The following PPHLN1 variants were observed in gnomAD, a reference collection of about 807,000 sequenced individuals.
The protein encoded by PPHLN1 is periphilin-1.
Under a neutral mutation model 51.3 loss-of-function variants are expected in PPHLN1, and 29 were observed. The observed-to-expected ratio is 0.57, with a 90% CI of 0.42 to 0.77. PPHLN1 has a LOEUF of 0.77. Ranked by LOEUF, PPHLN1 falls within the 30% of genes least tolerant of loss-of-function variation. PPHLN1 has a pLI of 0.00. For synonymous variants in PPHLN1, 147 were observed against 147.8 expected (o/e 0.99, Z 0.04); for missense variants, 436 against 438.4 (o/e 0.99, Z 0.05).
At chr12:42,375,277 G>C in intron 5 of PPHLN1, 1 of 371,666 alleles carries the variant, frequency 2.7e-6, no homozygotes, top group Admixed American at 4.3e-5. Flanking sequence ...GTGGCATTCT[G>C]CATGACACTT....
intron 9 of PPHLN1, among the ~76,000 whole-genome samples, chr12:42,401,466 G>A (rs2078838934): frequency 6.6e-6 from 1 of 151,172 alleles, no homozygotes; most frequent in Non-Finnish European, 1.5e-5. Flanking sequence ...CTGGTCTGTG[G>A]CCTGTTAGGA....
chr12:42,435,860 C>G (rs1476996172), intron 9 of PPHLN1, among the ~76,000 whole-genome samples: 1 of 152,086 alleles, frequency 6.6e-6, no homozygotes, highest in Admixed American at 6.6e-5. Flanking sequence ...CCTCAGTCCT[C>G]CATGACAACT....
At chr12:42,402,556 A>G (rs1209344320) in intron 9 of PPHLN1, among the ~76,000 whole-genome samples, 1 of 152,158 alleles carries the variant, frequency 6.6e-6, no homozygotes, top group Non-Finnish European at 1.5e-5. Flanking sequence ...GTTGGGCTGA[A>G]TAATCTTAGG....
chr12:42,368,547 A>G (rs1365051281), intron 4 of PPHLN1, among the ~76,000 whole-genome samples: 1 of 152,222 alleles, frequency 6.6e-6, no homozygotes, highest in Admixed American at 6.5e-5. Flanking sequence ...AAGGCCATAT[A>G]TAAGTAGATG....
Position 42,393,690 on chromosome 12 carries a change from G to T in PPHLN1, c.768+1G>T. ...CTTGCCTGAAATTTCTGAGTATGAG[G>T]TAAGGCATAATGTCTCCTTTATGTT... On this transcript the variant is annotated splice_donor_variant, in intron 8 of 9. Coordinates refer to ENST00000358314, the MANE Select transcript of PPHLN1 (RefSeq NM_201439.2). LOFTEE classifies it high-confidence loss of function. 2 of 1,598,006 alleles carry T rather than the reference G, an allele frequency of 1.3e-6. No individual in the cohort carries two copies. Among genetic ancestry groups the T allele is most frequent in the Non-Finnish European group, 1.7e-6 (2 of 1,175,394 alleles).
chr12:42,345,942 A>G (rs537347445), intron 2 of PPHLN1, among the ~76,000 whole-genome samples: 1 of 150,826 alleles, frequency 6.6e-6, no homozygotes, highest in African/African-American at 2.4e-5. Flanking sequence ...ATTAAATTTT[A>G]TTGTGTATAT....
At chr12:42,400,918 A>G (rs2078786474) in intron 9 of PPHLN1, among the ~76,000 whole-genome samples, 1 of 152,026 alleles carries the variant, frequency 6.6e-6, no homozygotes, top group Non-Finnish European at 1.5e-5. Flanking sequence ...AGATATTTAC[A>G]TCTGTTGTGA....
intron 9 of PPHLN1, among the ~76,000 whole-genome samples, chr12:42,407,794 C>T (rs1233945123): frequency 6.6e-6 from 1 of 152,082 alleles, no homozygotes; most frequent in Non-Finnish European, 1.5e-5. Context: ...TAAATAATTG[C>T]TATGTAAATA....
intron 1 of PPHLN1, among the ~76,000 whole-genome samples, chr12:42,328,006 T>G (rs920381348): frequency 1.3e-5 from 2 of 152,040 alleles, no homozygotes; most frequent in Admixed American, 6.6e-5. Flanking sequence ...TTAAATGTTG[T>G]CAGTGGAATA....
chr12:42,366,569 G>T, intron 4 of PPHLN1, among the ~76,000 whole-genome samples: 1 of 150,276 alleles, frequency 6.7e-6, no homozygotes, highest in African/African-American at 2.5e-5. Context: ...GTTTTTTTGA[G>T]ACAGGGTTTC....
intron 4 of PPHLN1, among the ~76,000 whole-genome samples, chr12:42,372,943 C>G (rs1233474518): frequency 6.6e-6 from 1 of 152,174 alleles, no homozygotes; most frequent in Non-Finnish European, 1.5e-5. Flanking sequence ...AAAACGTTAA[C>G]TACATCCCAT....
intron 9 of PPHLN1, among the ~76,000 whole-genome samples, chr12:42,411,467 A>G (rs1056610757): frequency 6.9e-6 from 1 of 145,068 alleles, no homozygotes; most frequent in Non-Finnish European, 1.5e-5. Flanking sequence ...TCCTGAGACC[A>G]TCGTTACGAG....
chr12:42,362,341 GATA>G (rs1011192795), intron 4 of PPHLN1, among the ~76,000 whole-genome samples: 1 of 151,950 alleles, frequency 6.6e-6, no homozygotes, highest in African/African-American at 2.4e-5. Flanking sequence ...TTACTTTATT[GATA>G]ATATTCTTTG....
At chr12:42,390,770 G>C (rs548848890) in intron 7 of PPHLN1, among the ~76,000 whole-genome samples, 1 of 150,294 alleles carries the variant, frequency 6.7e-6, no homozygotes, top group African/African-American at 2.4e-5. Context: ...CCAAAGATTG[G>C]ATGCCCCTGA....
Position 42,351,936 on chromosome 12 carries a change from G to A in PPHLN1, c.124G>A (p.Asp42Asn). ...NIVPKKPPLL[D>N]RPGEGSYNRY... ...TGTGCCAAAGAAACCACCACTGCTA[G>A]ACAGACCTGGTGAAGGAAGCTACAA... Residue 42 changes from aspartate to asparagine, a missense_variant, in exon 3 of 10, where the codon GAC (aspartate) becomes AAC (asparagine). Physicochemically the swap from Asp to Asn is conservative, Grantham distance 23. Coordinates refer to ENST00000358314, the MANE Select transcript of PPHLN1 (RefSeq NM_201439.2). 1 of 1,591,160 alleles carries A rather than the reference G, an allele frequency of 6.3e-7. No homozygotes were observed. Among genetic ancestry groups the A allele is most frequent in the Non-Finnish European group, 8.5e-7 (1 of 1,172,196 alleles).
chr12:42,410,269 C>CT (rs1223567085), intron 9 of PPHLN1, among the ~76,000 whole-genome samples: 4 of 151,908 alleles, frequency 2.6e-5, no homozygotes, highest in South Asian at 2.1e-4. Context: ...GTTAAATTGA[C>CT]TTTTTACTTG....
Position 42,336,249 on chromosome 12 carries a change from A to G in PPHLN1, c.72+275A>G, listed in dbSNP as rs969515933. 7.2e-5 allele frequency among the ~76,000 whole-genome samples: 11 copies of G among 152,376 alleles called. 1 individual carries two copies. The highest frequency in any genetic ancestry group is 4.6e-4 in the Admixed American group (7 of 15,306). The stretch of plus-strand genomic sequence containing the variant: ...ATTTGTGAACAAAATTACAGATTTT[A>G]TAAAGATTATACCATCAGTTAGCAA... On this transcript the variant is annotated intron_variant, in intron 2 of 9. Transcript: ENST00000358314.
intron 4 of PPHLN1, chr12:42,361,117 T>C (rs1369762091): frequency 2.0e-5 from 3 of 152,130 alleles, no homozygotes; most frequent in Non-Finnish European, 4.4e-5. Context: ...GTTAGGCCTT[T>C]TAGGAGGTGA....
intron 4 of PPHLN1, 56 bp downstream of exon 4, chr12:42,355,278 C>T: frequency 1.4e-6 from 2 of 1,450,630 alleles, no homozygotes; most frequent in South Asian, 1.1e-5. Context: ...ACTGTGATGT[C>T]TGCTTTGGAA....
Sources: allele counts gnomAD v4.1 joint callset (sites outside exome capture counted in the v4.1 genomes callset), GRCh38; gene constraint gnomAD v4.1.1; transcripts MANE v1.5; gene names NCBI Gene and HGNC (gene_info 2026-07-23, HGNC 2026-07-21).